The following SLC25A28 variants were observed in gnomAD, a reference collection of about 807,000 sequenced individuals.
The protein encoded by SLC25A28 is mitoferrin-2.
In SLC25A28, 10 loss-of-function variants were observed where a neutral mutation model predicts 31.9. The observed-to-expected ratio is 0.31, with a 90% CI of 0.19 to 0.53. SLC25A28 has a LOEUF of 0.53. Among genes scored for constraint, SLC25A28 ranks in the 20% least tolerant of loss-of-function variants. The pLI is 0.95. For missense variants in SLC25A28, 256 were observed against 490.3 expected (o/e 0.52, Z 4.51); for synonymous variants, 208 against 203.6 (o/e 1.02, Z -0.19).
In SLC25A28 at chr10:99,620,373, C is replaced by A; in HGVS notation, c.-38G>T. The A allele has an allele frequency of 9.2e-7, 1 of 1,091,028 alleles. No homozygotes were observed. The highest frequency in any genetic ancestry group is 1.1e-6 in the Non-Finnish European group (1 of 899,064). The allele number at this position is 1,091,028 out of a possible 1,614,324, so 67.6% of individuals were successfully genotyped here. ...GCTGCGGCGCCCACCCCCGCCGCCGCTGCCACCACTGCCGCCGCCGCCCCC... is the reference window on the plus strand; with the variant it reads ...GCTGCGGCGCCCACCCCCGCCGCCGATGCCACCACTGCCGCCGCCGCCCCC... On this transcript the variant is annotated 5_prime_UTR_variant, in exon 1 of 4. Coordinates refer to ENST00000370495, the MANE Select transcript of SLC25A28 (RefSeq NM_031212.4).
At chr10:99,622,267 C>T (rs1248948966), upstream of SLC25A28, among the ~76,000 whole-genome samples, 1 of 152,190 alleles carries the variant, frequency 6.6e-6, no homozygotes, top group African/African-American at 2.4e-5. Flanking sequence ...GAGGTCGAAG[C>T]TGCAGTGAGC....
chr10:99,648,829 A>G, the SLC25A28 span, among the ~76,000 whole-genome samples: 1 of 152,038 alleles, frequency 6.6e-6, no homozygotes, highest in African/African-American at 2.4e-5. Flanking sequence ...TTCATTTATC[A>G]AATCTAAAAG....
chr10:99,610,751 C>T lies in SLC25A28; in HGVS notation c.*98G>A, dbSNP rs914158357. On this transcript the variant is annotated 3_prime_UTR_variant, in exon 4 of 4. Transcript: ENST00000370495. ...CCTGGGGGAGAGCCCCTCTACCTTC[C>T]TTCTAACTCCACTTGAGGTGGGAGC... 1.1e-5 allele frequency: 16 copies of T among 1,468,724 alleles called. No individual in the cohort carries two copies. In the African/African-American group the frequency reaches 2.0e-4, roughly 18 times the overall value. The allele number at this position is 1,468,724 out of a possible 1,614,324, so 91.0% of individuals were successfully genotyped here.
chr10:99,614,684 G>C (rs2034607326), intron 1 of SLC25A28, among the ~76,000 whole-genome samples: 1 of 152,164 alleles, frequency 6.6e-6, no homozygotes, highest in African/African-American at 2.4e-5. Flanking sequence ...AAAGCGTAGG[G>C]TAGACACTTT....
the SLC25A28 span, among the ~76,000 whole-genome samples, chr10:99,651,393 G>A: frequency 1.9e-3 from 289 of 152,072 alleles, no homozygotes; most frequent in Middle Eastern, 0.051. Context: ...CAAATCTTTC[G>A]TCTATTTACA....
At chr10:99,652,670 T>G in the SLC25A28 span, among the ~76,000 whole-genome samples, 1 of 152,024 alleles carries the variant, frequency 6.6e-6, no homozygotes, top group African/African-American at 2.4e-5. Flanking sequence ...GGGGTTACGT[T>G]CCCTTCTCAC....
chr10:99,622,291 C>CTT (rs2034810536), upstream of SLC25A28, among the ~76,000 whole-genome samples: 1 of 152,190 alleles, frequency 6.6e-6, no homozygotes, highest in South Asian at 2.1e-4. Flanking sequence ...GTTCATGCCA[C>CTT]TACACTCCAG....
the SLC25A28 span, among the ~76,000 whole-genome samples, chr10:99,646,866 A>G: frequency 3.3e-5 from 5 of 152,160 alleles, no homozygotes; most frequent in Non-Finnish European, 5.9e-5. Context: ...AATAGTCCAC[A>G]CTGTATATCC....
chr10:99,638,538 C>T, the SLC25A28 span, among the ~76,000 whole-genome samples: 1 of 152,176 alleles, frequency 6.6e-6, no homozygotes, highest in Non-Finnish European at 1.5e-5. Context: ...ACAATCTATA[C>T]ATCTGACAAA....
At chr10:99,633,241 A>G in the SLC25A28 span, among the ~76,000 whole-genome samples, 1 of 152,002 alleles carries the variant, frequency 6.6e-6, no homozygotes, top group South Asian at 2.1e-4. Context: ...CCAATTTCTT[A>G]CTACATTTTT....
chr10:99,618,351 A>G (rs2034705185), intron 1 of SLC25A28: 2 of 985,246 alleles, frequency 2.0e-6, no homozygotes, highest in African/African-American at 3.5e-5. Flanking sequence ...AAGCCATTAC[A>G]TAATTTTCAC....
intron 1 of SLC25A28, chr10:99,616,350 G>A: frequency 1.3e-6 from 1 of 781,700 alleles, no homozygotes; most frequent in South Asian, 5.8e-5. Context: ...AGAATGACTG[G>A]CTCACAGGGC....
Position 99,613,816 on chromosome 10 carries a change from G to T in SLC25A28, c.400C>A (p.Leu134Met), listed in dbSNP as rs748764134. 1.2e-6 allele frequency: 2 copies of T among 1,614,092 alleles called. No individual in the cohort carries two copies. Among genetic ancestry groups the T allele is most frequent in the Non-Finnish European group, 1.7e-6 (2 of 1,180,040 alleles). Residue 134 changes from leucine (L) to methionine (M), a missense_variant, in exon 2 of 4, where the codon CTG (leucine) becomes ATG (methionine). Physicochemically the swap from Leu to Met is conservative, Grantham distance 15. Transcript: ENST00000370495. The surrounding 1 kb of genome is among the most constrained non-coding windows in gnomAD (Gnocchi z 4.9). ...TEGLWRPMRG[L>M]NVTATGAGPA... ...CCTGCGCCTGTTGCTGTGACGTTCA[G>T]CCCCCTCATGGGCCTCCATAGGCCC...
the SLC25A28 span, among the ~76,000 whole-genome samples, chr10:99,647,567 C>G: frequency 4.5e-4 from 68 of 152,226 alleles, no homozygotes; most frequent in Middle Eastern, 0.024. Flanking sequence ...TATTAGTCCT[C>G]TGTTGTATGC....
the SLC25A28 span, among the ~76,000 whole-genome samples, chr10:99,646,423 G>T: frequency 6.6e-6 from 1 of 152,322 alleles, no homozygotes; most frequent in African/African-American, 2.4e-5. Context: ...GCAGTATTAG[G>T]GTGGGAGTGT....
At chr10:99,651,392 C>T in the SLC25A28 span, among the ~76,000 whole-genome samples, 4 of 152,012 alleles carry the variant, frequency 2.6e-5, no homozygotes, top group South Asian at 2.1e-4. Context: ...ACAAATCTTT[C>T]GTCTATTTAC....
intron 1 of SLC25A28, chr10:99,618,535 T>A: frequency 1.0e-6 from 1 of 985,410 alleles, no homozygotes; most frequent in Non-Finnish European, 1.2e-6. Context: ...TCTATACATA[T>A]AATGTGTGCA....
the SLC25A28 span, among the ~76,000 whole-genome samples, chr10:99,626,117 C>T: frequency 6.6e-6 from 1 of 152,226 alleles, no homozygotes; most frequent in East Asian, 1.9e-4. Flanking sequence ...CCGGCTTACA[C>T]TACCCCCTTC....
the SLC25A28 span, among the ~76,000 whole-genome samples, chr10:99,631,281 T>G: frequency 6.6e-6 from 1 of 152,164 alleles, no homozygotes. Flanking sequence ...GAAAAAAGAT[T>G]GAGGGCAGCA....
Sources: allele counts gnomAD v4.1 joint callset (sites outside exome capture counted in the v4.1 genomes callset), GRCh38; gene constraint gnomAD v4.1.1; non-coding constraint Gnocchi (gnomAD v3.1); transcripts MANE v1.5; gene names NCBI Gene and HGNC (gene_info 2026-07-23, HGNC 2026-07-21).